PCDHGA6: variants seen among roughly 807,000 people sequenced by gnomAD.
The protein encoded by PCDHGA6 is protocadherin gamma-A6.
In PCDHGA6, 41 loss-of-function variants were observed where a neutral mutation model predicts 60.6. The observed-to-expected ratio is 0.68, with a 90% CI of 0.53 to 0.88. The LOEUF (loss-of-function observed/expected upper bound fraction) is 0.88, where lower values mean the gene tolerates loss of function less well. Ranked by LOEUF, PCDHGA6 falls within the 40% of genes least tolerant of loss-of-function variation. The pLI, the probability that PCDHGA6 is intolerant of heterozygous loss-of-function variation, is 0.00. For missense variants in PCDHGA6, 1,312 were observed against 1,203.0 expected, an observed-to-expected ratio of 1.09 and a Z score of -1.34; for synonymous variants, 594 against 524.4, an observed-to-expected ratio of 1.13 and a Z score of -1.81.
At chr5:141,495,771 C>T (rs941051365) in intron 2 of PCDHGA6, among the ~76,000 whole-genome samples, 1 of 152,110 alleles carries the variant, frequency 6.6e-6, no homozygotes, top group Non-Finnish European at 1.5e-5. Flanking sequence ...TGTCCTTGTC[C>T]TGGACCTCTT....
At chr5:141,386,173 C>T (rs72790028) in intron 1 of PCDHGA6, among the ~76,000 whole-genome samples, 9,793 of 152,202 alleles carry the variant, frequency 0.064, 369 homozygotes, top group African/African-American at 0.1. Flanking sequence ...AACCTTAGAC[C>T]ATCTTATGTA....
At chr5:141,503,679 G>A (rs562303239) in intron 2 of PCDHGA6, among the ~76,000 whole-genome samples, 1 of 152,054 alleles carries the variant, frequency 6.6e-6, no homozygotes, top group East Asian at 1.9e-4. Context: ...CCACTTTTGG[G>A]AAGGAGAATT....
intron 1 of PCDHGA6, chr5:141,417,252 G>C (rs2096099745): frequency 6.6e-6 from 1 of 152,148 alleles, no homozygotes; most frequent in Admixed American, 6.5e-5. Context: ...AGTACTTCCA[G>C]CTTCATAGAT....
intron 1 of PCDHGA6, chr5:141,421,183 A>G (rs1286755310): frequency 2.7e-6 from 4 of 1,457,360 alleles, no homozygotes; most frequent in Admixed American, 4.8e-5. Flanking sequence ...CCGATTCACA[A>G]CCAACCAGCT....
chr5:141,473,476 A>G (rs1300050332), intron 1 of PCDHGA6, among the ~76,000 whole-genome samples: 15 of 151,558 alleles, frequency 9.9e-5, no homozygotes, highest in Admixed American at 9.2e-4. Context: ...GCCAAGTTCA[A>G]TGGAAAAAAT....
intron 3 of PCDHGA6, among the ~76,000 whole-genome samples, chr5:141,510,657 G>A (rs1388054630): frequency 6.6e-6 from 1 of 152,156 alleles, no homozygotes; most frequent in Non-Finnish European, 1.5e-5. Context: ...CCATTTTGCA[G>A]ATGAGAAAAC....
Position 141,486,595 on chromosome 5 carries a change from T to G in PCDHGA6, c.2425-8212T>G. ...AGAACAATCGCCCAGGGGACCTGCTTTGCTCCCTTGCAGCCTCTGACCCAG... is the reference window on the plus strand; with the variant it reads ...AGAACAATCGCCCAGGGGACCTGCTGTGCTCCCTTGCAGCCTCTGACCCAG... On this transcript the variant is annotated intron_variant, in intron 1 of 3. Coordinates refer to ENST00000517434, the MANE Select transcript of PCDHGA6 (RefSeq NM_018919.3). This position sits in a 1 kb window ranked among gnomAD's most constrained non-coding sequence, Gnocchi z 5.0. The G allele has an allele frequency of 6.2e-7, 1 of 1,613,614 alleles. No homozygotes were observed. Among genetic ancestry groups the G allele is most frequent in the Non-Finnish European group, 8.5e-7 (1 of 1,180,016 alleles).
intron 1 of PCDHGA6, among the ~76,000 whole-genome samples, chr5:141,452,356 C>G (rs1008914676): frequency 6.6e-6 from 1 of 152,148 alleles, no homozygotes; most frequent in African/African-American, 2.4e-5. Flanking sequence ...ATCCAAAAGC[C>G]TTGCTTCATT....
intron 1 of PCDHGA6, chr5:141,384,177 TG>T: frequency 6.2e-7 from 1 of 1,613,838 alleles, no homozygotes; most frequent in South Asian, 1.1e-5. Context: ...AAGCCACAGA[TG>T]GTGGAACTCC....
chr5:141,375,652 G>A lies in PCDHGA6; in HGVS notation c.1569G>A (p.Glu523=), dbSNP rs1200856953. 1.8e-5 allele frequency: 29 copies of A among 1,614,096 alleles called. No individual in the cohort carries two copies. Among genetic ancestry groups the A allele is most frequent in the Non-Finnish European group, 2.3e-5 (27 of 1,180,058 alleles). ...ACGCCCTGCGCTCCTTCGACTATGA[G>A]CAGTTGAGAGACCTACAGCTGTGGG... ...ILYALRSFDY[E]QLRDLQLWVT... The change falls in exon 1 of 4, where the codon GAG becomes GAA. Residue 523 remains glutamate, a synonymous_variant. Transcript: ENST00000517434.
chr5:141,404,875 C>T, intron 1 of PCDHGA6: 1 of 1,613,904 alleles, frequency 6.2e-7, no homozygotes, highest in Non-Finnish European at 8.5e-7. Flanking sequence ...TCAAACAGAG[C>T]CTTGTGGTGG....
At chr5:141,417,637 A>ATCCCTCAGCCTCTAGCCTGGGAT (rs2096141530) in intron 1 of PCDHGA6, 1 of 724,654 alleles carries the variant, frequency 1.4e-6, no homozygotes, top group Admixed American at 3.5e-5. Flanking sequence ...GACGCCGGGG[A>ATCCCTCAGCCTCTAGCCTGGGAT]TCCCTCAGCC....
intron 1 of PCDHGA6, chr5:141,413,757 G>C (rs2095674818): frequency 1.2e-6 from 2 of 1,612,920 alleles, no homozygotes; most frequent in African/African-American, 2.7e-5. Flanking sequence ...ATGGCGTCAA[G>C]TACCCGGAGC....
chr5:141,409,180 T>C (rs2095236494), intron 1 of PCDHGA6: 1 of 1,613,848 alleles, frequency 6.2e-7, no homozygotes, highest in Non-Finnish European at 8.5e-7. Flanking sequence ...ACGGAGGTGG[T>C]CTCTCTACCC....
rs144113016 is a variant in PCDHGA6 at position 141,428,135 on chromosome 5, G to T, written c.2424+51628G>T. On this transcript the variant is annotated intron_variant, in intron 1 of 3. Coordinates refer to ENST00000517434, the MANE Select transcript of PCDHGA6 (RefSeq NM_018919.3). Reference sequence around the variant, plus strand: ...CCATCGAGCCCGGGCTTTTCAGCCTGGGGCTGCACACGGGAACCTGCTGGT... The same window carrying T: ...CCATCGAGCCCGGGCTTTTCAGCCTTGGGCTGCACACGGGAACCTGCTGGT... 347 of 1,601,046 alleles carry T rather than the reference G, an allele frequency of 2.2e-4. No homozygotes were observed. The African/African-American group carries it at 3.9e-3, about 18-fold the overall frequency.
chr5:141,389,378 G>A (rs574837458), intron 1 of PCDHGA6: 4 of 1,613,766 alleles, frequency 2.5e-6, no homozygotes, highest in African/African-American at 2.7e-5. Flanking sequence ...AGCAGCGGGA[G>A]CTGTCATCCT....
At chr5:141,461,757 G>A (rs2099022119) in intron 1 of PCDHGA6, among the ~76,000 whole-genome samples, 1 of 151,994 alleles carries the variant, frequency 6.6e-6, no homozygotes, top group Non-Finnish European at 1.5e-5. Context: ...AGATTCAAGC[G>A]ATTCTCCTGC....
At chr5:141,408,410 G>C (rs1329403051) in intron 1 of PCDHGA6, 1 of 1,613,932 alleles carries the variant, frequency 6.2e-7, no homozygotes, top group African/African-American at 1.3e-5. Flanking sequence ...GCGAGTGAGC[G>C]CGGAGAAGCT....
chr5:141,388,558 C>T (rs928285766), intron 1 of PCDHGA6: 21 of 1,613,792 alleles, frequency 1.3e-5, no homozygotes, highest in African/African-American at 2.7e-5. Flanking sequence ...CTAAGCAGCA[C>T]TGCACAGATA....
Sources: allele counts gnomAD v4.1 joint callset (sites outside exome capture counted in the v4.1 genomes callset), GRCh38; gene constraint gnomAD v4.1.1; non-coding constraint Gnocchi (gnomAD v3.1); transcripts MANE v1.5; gene names NCBI Gene and HGNC (gene_info 2026-07-23, HGNC 2026-07-21).